Variants in DLC1 observed in about 807,000 individuals in gnomAD.
DLC1 encodes rho GTPase-activating protein 7.
Under a neutral mutation model 140.3 loss-of-function variants are expected in DLC1, and 54 were observed. That is an observed-to-expected ratio of 0.38 (90% CI 0.31 to 0.48). The LOEUF is 0.48. DLC1 is among the 20% of genes least tolerant of loss of function. The probability of loss-of-function intolerance (pLI) is 0.96; values close to 1 mark genes in which losing one functional copy is unlikely to be tolerated. For missense variants in DLC1, 2,536 were observed against 1,907.0 expected (o/e 1.33, Z -6.14); for synonymous variants, 986 against 728.1 (o/e 1.35, Z -5.70).
chr8:13,353,600 T>G (rs555668528), intron 4 of DLC1: 78 of 152,360 alleles, frequency 5.1e-4, no homozygotes, highest in African/African-American at 1.7e-3. Context: ...CTCATGTCTG[T>G]AATCCCAGCA....
intron 4 of DLC1, among the ~76,000 whole-genome samples, chr8:13,362,294 A>G (rs1835262001): frequency 6.6e-6 from 1 of 152,206 alleles, no homozygotes. Flanking sequence ...CTGGAGAAAG[A>G]GCCCAGTGTT....
At chr8:13,344,979 C>T (rs1188343401) in intron 4 of DLC1, among the ~76,000 whole-genome samples, 1 of 152,060 alleles carries the variant, frequency 6.6e-6, no homozygotes, top group Non-Finnish European at 1.5e-5. Context: ...ACGATAAAAA[C>T]AAGTTATTCT....
At chr8:13,525,052 A>T (rs973488468) in intron 1 of DLC1, among the ~76,000 whole-genome samples, 11 of 151,974 alleles carry the variant, frequency 7.2e-5, no homozygotes, top group Non-Finnish European at 1.6e-4. Flanking sequence ...GTCACTGCAG[A>T]TTGGTTTAAA....
At chr8:13,404,767 G>A (rs996567593) in intron 2 of DLC1, among the ~76,000 whole-genome samples, 1 of 152,076 alleles carries the variant, frequency 6.6e-6, no homozygotes, top group African/African-American at 2.4e-5. Flanking sequence ...GGAGGCAGAG[G>A]TGGGTGAATC....
In DLC1 at chr8:13,172,863, C is replaced by T. The variant is rs539874343; in HGVS notation, c.1349-57206G>A. Among the ~76,000 whole-genome samples, 4 of 152,318 alleles carry T rather than the reference C, an allele frequency of 2.6e-5. No homozygotes were observed. The South Asian group carries it at 6.2e-4, about 24-fold the overall frequency. ...ATCAAATCCTAGCTTACTCTCATCC[C>T]GAGTTCCTTTTCTGCCATTAATTTC... On this transcript the variant is annotated intron_variant, in intron 5 of 17. Transcript: ENST00000276297.
chr8:13,184,352 G>A (rs1826221646), intron 5 of DLC1, among the ~76,000 whole-genome samples: 1 of 152,112 alleles, frequency 6.6e-6, no homozygotes. Context: ...TTTTGAATGT[G>A]TTTGCTCTTG....
rs150348024 is a variant in DLC1 at position 13,205,251 on chromosome 8, G to T, written c.1349-89594C>A. 4.6e-5 allele frequency among the ~76,000 whole-genome samples: 7 copies of T among 152,246 alleles called. 1 individual carries two copies. The highest frequency in any genetic ancestry group is 1.7e-4 in the African/African-American group (7 of 41,540). ...GCAGGGCTTCTGAAAATGGGGTCTG[G>T]TACCCCCGGCAATTGTGCAAGATGA... On this transcript the variant is annotated intron_variant, in intron 5 of 17. Coordinates refer to ENST00000276297, the MANE Select transcript of DLC1 (RefSeq NM_182643.3).
At chr8:13,325,326 G>A (rs1456600714) in intron 4 of DLC1, among the ~76,000 whole-genome samples, 1 of 152,116 alleles carries the variant, frequency 6.6e-6, no homozygotes, top group Non-Finnish European at 1.5e-5. Context: ...TTCACGGACG[G>A]CAAAAAGGGA....
chr8:13,565,746 A>G (rs1374840796), intron 1 of DLC1, among the ~76,000 whole-genome samples: 1 of 152,208 alleles, frequency 6.6e-6, no homozygotes, highest in East Asian at 1.9e-4. Flanking sequence ...TAGGCTCTTA[A>G]AATTATCCTA....
At chr8:13,264,545 TGATTAAACTCTAAGTTCAG>T (rs1830609033) in intron 5 of DLC1, among the ~76,000 whole-genome samples, 2 of 151,720 alleles carry the variant, frequency 1.3e-5, no homozygotes, top group Non-Finnish European at 2.9e-5. Flanking sequence ...AGTATGAGAG[TGATTAAACTCTAAGTTCAG>T]GACTGGAGAA....
intron 4 of DLC1, among the ~76,000 whole-genome samples, chr8:13,346,578 C>G (rs1834351250): frequency 6.6e-6 from 1 of 152,178 alleles, no homozygotes; most frequent in African/African-American, 2.4e-5. Flanking sequence ...TTCTTTGTAA[C>G]TTGAGCGGCA....
chr8:13,404,495 T>C (rs996489898), intron 2 of DLC1, among the ~76,000 whole-genome samples: 1 of 152,148 alleles, frequency 6.6e-6, no homozygotes, highest in Admixed American at 6.6e-5. Flanking sequence ...GAAACATTGA[T>C]AGTTACATAT....
At chr8:13,564,174 A>G (rs1289648392) in intron 1 of DLC1, among the ~76,000 whole-genome samples, 2 of 152,226 alleles carry the variant, frequency 1.3e-5, no homozygotes, top group African/African-American at 2.4e-5. Flanking sequence ...TTTCAGAAAA[A>G]AGATAATAAC....
chr8:13,326,372 T>G (rs882245), intron 4 of DLC1, among the ~76,000 whole-genome samples: 129,217 of 152,148 alleles, frequency 0.85, 55,398 homozygotes, highest in East Asian at 0.95. Context: ...TGGGGACATG[T>G]TATAGTAGAA....
chr8:13,300,862 T>C (rs1398007310), intron 5 of DLC1, among the ~76,000 whole-genome samples: 1 of 152,208 alleles, frequency 6.6e-6, no homozygotes, highest in African/African-American at 2.4e-5. Flanking sequence ...ACAGTGCAGA[T>C]AATAGACTGG....
At chr8:13,133,116 T>C in intron 5 of DLC1, 1 of 1,466,932 alleles carries the variant, frequency 6.8e-7, no homozygotes, top group Non-Finnish European at 9.0e-7. Context: ...TGCTCGCCGC[T>C]CCCTGCCCCT....
intron 2 of DLC1, among the ~76,000 whole-genome samples, chr8:13,457,097 G>A (rs1799424974): frequency 6.6e-6 from 1 of 152,168 alleles, no homozygotes. Context: ...CGGCCTTTTG[G>A]TTGCACTTAG....
At chr8:13,110,540 A>G (rs62489161) in intron 7 of DLC1, among the ~76,000 whole-genome samples, 56,189 of 152,082 alleles carry the variant, frequency 0.37, 12,677 homozygotes, top group South Asian at 0.53. Context: ...TTCCTAGGAC[A>G]GCGTGGATGC....
chr8:13,487,108 A>C (rs1177183581), intron 2 of DLC1, among the ~76,000 whole-genome samples: 1 of 152,164 alleles, frequency 6.6e-6, no homozygotes, highest in Non-Finnish European at 1.5e-5. Context: ...TAGTCGACTT[A>C]CTAATGTAGT....
Sources: allele counts gnomAD v4.1 joint callset (sites outside exome capture counted in the v4.1 genomes callset), GRCh38; gene constraint gnomAD v4.1.1; transcripts MANE v1.5; gene names NCBI Gene and HGNC (gene_info 2026-07-23, HGNC 2026-07-21).